The following GMDS variants were observed in gnomAD, a reference collection of about 807,000 sequenced individuals.
The protein encoded by GMDS is GDP-mannose 4,6-dehydratase.
A neutral mutation model predicts 49.9 loss-of-function variants in GMDS; 20 were observed. That is an observed-to-expected ratio of 0.40 (90% confidence interval 0.28 to 0.58). GMDS has a LOEUF of 0.58. Ranked by LOEUF, GMDS falls within the 20% of genes least tolerant of loss-of-function variation. GMDS has a pLI of 0.42. For missense variants in GMDS, 362 were observed against 481.4 expected, an observed-to-expected ratio of 0.75 and a Z score of 2.32; for synonymous variants, 177 against 178.6, an observed-to-expected ratio of 0.99 and a Z score of 0.07.
At chr6:1,664,001 C>T (rs1188754910) in intron 9 of GMDS, among the ~76,000 whole-genome samples, 2 of 152,098 alleles carry the variant, frequency 1.3e-5, no homozygotes, top group Admixed American at 1.3e-4. Flanking sequence ...ACGGTAGGCA[C>T]CCAGTAAGAA....
chr6:1,827,129 T>A (rs1771155180), intron 7 of GMDS, among the ~76,000 whole-genome samples: 1 of 143,398 alleles, frequency 7.0e-6, no homozygotes, highest in Admixed American at 7.0e-5. Context: ...TGTATGTGTA[T>A]CCAGGATATA....
intron 7 of GMDS, among the ~76,000 whole-genome samples, chr6:1,845,243 A>G (rs1305876933): frequency 1.3e-5 from 2 of 152,244 alleles, no homozygotes; most frequent in Admixed American, 6.5e-5. Context: ...AGTGACTTAT[A>G]TAAGGTCACA....
rs1308574214 is a variant in GMDS at position 1,960,925 on chromosome 6, T to C, written c.387A>G (p.Gly129=). 6.3e-7 allele frequency: 1 copy of C among 1,595,980 alleles called. No individual in the cohort carries two copies. The highest frequency in any genetic ancestry group is 1.7e-5 in the Admixed American group (1 of 59,880). ...DLAEYTADVD[G]VGTLRLLDAV... ...CATCTAGAAGTCGTAGAGTGCCAAC[T>C]CCGTCAACGTCCGCAGTGTACTCAG... The change falls in exon 5 of 11, where the codon GGA becomes GGG. Residue 129 remains glycine, a synonymous_variant. Coordinates refer to ENST00000380815, the MANE Select transcript of GMDS (RefSeq NM_001500.4).
At chr6:2,018,155 C>A (rs1768023653) in intron 4 of GMDS, among the ~76,000 whole-genome samples, 1 of 152,078 alleles carries the variant, frequency 6.6e-6, no homozygotes, top group Admixed American at 6.6e-5. Flanking sequence ...TTAATTTGAA[C>A]CTTCTCTATC....
At chr6:1,788,042 C>G (rs1477402155) in intron 7 of GMDS, among the ~76,000 whole-genome samples, 1 of 152,136 alleles carries the variant, frequency 6.6e-6, no homozygotes, top group Non-Finnish European at 1.5e-5. Flanking sequence ...CACCCTTGCT[C>G]TCAGTCGCCC....
At chr6:2,181,568 C>T (rs2127561884) in intron 1 of GMDS, among the ~76,000 whole-genome samples, 1 of 152,224 alleles carries the variant, frequency 6.6e-6, no homozygotes, top group East Asian at 1.9e-4. Flanking sequence ...TGCTCCATGT[C>T]ACTATTTTAC....
intron 4 of GMDS, among the ~76,000 whole-genome samples, chr6:2,041,635 G>A (rs1231240643): frequency 1.3e-5 from 2 of 152,202 alleles, no homozygotes; most frequent in African/African-American, 4.8e-5. Context: ...GGAGCAGGCT[G>A]AGGTGAGGGT....
At chr6:2,118,747 A>G (rs1365791377) in intron 2 of GMDS, among the ~76,000 whole-genome samples, 1 of 152,208 alleles carries the variant, frequency 6.6e-6, no homozygotes. Flanking sequence ...AAACACGAAA[A>G]TATTTTAGGA....
intron 1 of GMDS, among the ~76,000 whole-genome samples, chr6:2,175,507 C>T (rs1325262904): frequency 1.3e-5 from 2 of 152,096 alleles, no homozygotes; most frequent in South Asian, 2.1e-4. Flanking sequence ...GGAGTTGTGT[C>T]GACAGAAAAA....
chr6:1,893,953 G>A lies in GMDS; in HGVS notation c.771+36150C>T, dbSNP rs192208423. Among the ~76,000 whole-genome samples, 956 of 152,326 alleles carry A rather than the reference G, an allele frequency of 6.3e-3. 9 individuals carry two copies. The highest frequency in any genetic ancestry group is 0.044 in the Middle Eastern group (13 of 294). Reference sequence around the variant, plus strand: ...CCTGAGTTAGATAAGAAAGAGCCTGGAGGGGCTGAGGAAAATCTGGTTTCT... The same window carrying A: ...CCTGAGTTAGATAAGAAAGAGCCTGAAGGGGCTGAGGAAAATCTGGTTTCT... On this transcript the variant is annotated intron_variant, in intron 7 of 10. Coordinates refer to ENST00000380815, the MANE Select transcript of GMDS (RefSeq NM_001500.4).
At chr6:2,196,331 T>C (rs903343400) in intron 1 of GMDS, among the ~76,000 whole-genome samples, 6 of 152,208 alleles carry the variant, frequency 3.9e-5, no homozygotes, top group Non-Finnish European at 8.8e-5. Context: ...AATTAGACTC[T>C]ACAAGTTTTA....
chr6:2,073,688 T>G (rs2127461138), intron 4 of GMDS, among the ~76,000 whole-genome samples: 1 of 152,318 alleles, frequency 6.6e-6, no homozygotes, highest in East Asian at 1.9e-4. Context: ...TCCCACTCTC[T>G]GGCATCTATC....
At chr6:1,822,899 A>C (rs564054769) in intron 7 of GMDS, among the ~76,000 whole-genome samples, 2 of 152,312 alleles carry the variant, frequency 1.3e-5, no homozygotes, top group African/African-American at 4.8e-5. Flanking sequence ...CGATTAAGAG[A>C]AGTCTGACAG....
chr6:2,107,262 A>G (rs1774296160), intron 4 of GMDS, among the ~76,000 whole-genome samples: 1 of 152,212 alleles, frequency 6.6e-6, no homozygotes, highest in Non-Finnish European at 1.5e-5. Context: ...TCTCTCATAT[A>G]AATTCTTAAT....
chr6:1,714,579 G>A (rs1236107223), intron 9 of GMDS, among the ~76,000 whole-genome samples: 2 of 152,154 alleles, frequency 1.3e-5, no homozygotes, highest in African/African-American at 2.4e-5. Context: ...GCAGAGAAAC[G>A]CGTGTCATGG....
rs1772357741 is a variant in GMDS, at chr6:2,076,643, A to C, written c.345+39128T>G. ...CTATCTGATCTTTGACAAACCTGAC[A>C]AAAATAAGCAATGGGGAAAGGATTC... On this transcript the variant is annotated intron_variant, in intron 4 of 10. Transcript: ENST00000380815. Among the ~76,000 whole-genome samples the C allele has an allele frequency of 2.0e-5, 3 of 152,338 alleles. 1 individual carries two copies. The South Asian group carries it at 6.2e-4, about 32-fold the overall frequency.
At chr6:1,773,240 C>A (rs1768655557) in intron 7 of GMDS, among the ~76,000 whole-genome samples, 3 of 149,310 alleles carry the variant, frequency 2.0e-5, no homozygotes, top group South Asian at 4.2e-4. Flanking sequence ...TATTTGAGAG[C>A]AATATCTATA....
At chr6:2,041,210 C>T (rs1769654892) in intron 4 of GMDS, among the ~76,000 whole-genome samples, 2 of 151,852 alleles carry the variant, frequency 1.3e-5, no homozygotes, top group Admixed American at 1.3e-4. Context: ...TATATATAAA[C>T]AGAATTTCTA....
chr6:1,784,966 T>A (rs1159861728), intron 7 of GMDS, among the ~76,000 whole-genome samples: 1 of 152,204 alleles, frequency 6.6e-6, no homozygotes, highest in Admixed American at 6.5e-5. Flanking sequence ...AAAAGTTACT[T>A]AGAGAATTTT....
Sources: gnomAD v4.1 joint callset for allele counts (sites outside exome capture counted in the v4.1 genomes callset) on GRCh38, gnomAD v4.1.1 for gene constraint, MANE v1.5 for transcripts, NCBI Gene and HGNC (gene_info 2026-07-23, HGNC 2026-07-21) for gene names.